Variants in PSD4 observed in about 807,000 individuals in gnomAD.
PSD4 encodes pleckstrin and Sec7 domain containing 4, also known as PH and SEC7 domain-containing protein 4.
PSD4 carries 59 observed loss-of-function variants against 112.5 expected under a neutral mutation model. The observed-to-expected ratio is 0.52, with a 90% confidence interval of 0.43 to 0.65. PSD4 has a LOEUF of 0.65. PSD4 is among the 30% of genes least tolerant of loss of function. The pLI is 0.00. For synonymous variants in PSD4, 533 were observed against 540.0 expected, an observed-to-expected ratio of 0.99 and a Z score of 0.18; for missense variants, 1,267 against 1,352.6, an observed-to-expected ratio of 0.94 and a Z score of 0.99.
intron 10 of PSD4, 42 bp from the exon 11 acceptor site, chr2:113,195,685 A>G: frequency 1.2e-6 from 2 of 1,613,222 alleles, no homozygotes; most frequent in South Asian, 1.1e-5. Flanking sequence ...TAGGCTCCAC[A>G]GCCCTGAGGC....
rs1688822630 is a variant in PSD4, at chr2:113,203,580, T to TTTTTTTTTTG, written c.*2165_*2166insTTTTTTTTTG. ...TTTTTTTTTTTTTTTTTTTTTTTTTTGGAGACGGAGTTTCGCTCTTGTAAC... is the reference window on the plus strand; with the variant it reads ...TTTTTTTTTTTTTTTTTTTTTTTTTTTTTTTTTTTGGGAGACGGAGTTTCGCTCTTGTAAC... On this transcript the variant is annotated 3_prime_UTR_variant, in exon 17 of 17. Coordinates refer to ENST00000245796, the MANE Select transcript of PSD4 (RefSeq NM_012455.3). 6.5e-5 allele frequency: 1 copy of TTTTTTTTTTG among 15,406 alleles called. No homozygotes were observed. Among genetic ancestry groups the TTTTTTTTTTG allele is most frequent in the African/African-American group, 1.7e-4 (1 of 5,912 alleles). The allele number at this position is 15,406 out of a possible 1,614,324, so 1.0% of individuals were successfully genotyped here.
intron 1 of PSD4, among the ~76,000 whole-genome samples, chr2:113,181,063 C>CAAA (rs10566378): frequency 7.1e-6 from 1 of 141,784 alleles, no homozygotes; most frequent in African/African-American, 2.6e-5. Flanking sequence ...ACTAGAAATA[C>CAAA]AAAAAAAAAA....
At chr2:113,199,262 GCGCCCTCTC>G in intron 16 of PSD4, 36 bp downstream of exon 16, 7 of 1,423,446 alleles carry the variant, frequency 4.9e-6, no homozygotes, top group East Asian at 3.0e-5. Context: ...CCGCTGCGCA[GCGCCCTCTC>G]CGCCCTCTCG....
chr2:113,207,370 T>TTCC lies in PSD4; in HGVS notation c.*5959_*5961dup, dbSNP rs1688877611. Reference sequence around the variant, plus strand: ...AAACCGACTAATATGCAGATGCCCTTTCCTCCAAGAGGCCTTCCCTAAGTC... The same window carrying TTCC: ...AAACCGACTAATATGCAGATGCCCTTTCCTCCTCCAAGAGGCCTTCCCTAAGTC... On this transcript the variant is annotated 3_prime_UTR_variant, in exon 17 of 17. Transcript: ENST00000245796. 1 of 151,842 alleles carries TTCC rather than the reference T, an allele frequency of 6.6e-6. No individual in the cohort carries two copies. Among genetic ancestry groups the TTCC allele is most frequent in the Non-Finnish European group, 1.5e-5 (1 of 67,978 alleles). 9.4% of individuals were successfully genotyped at this position (151,842 alleles called of 1,614,324 possible). A position where few individuals can be genotyped will look rare whatever the true frequency, so the allele number is the denominator to read the frequency against.
chr2:113,177,842 C>A (rs1207348132), intron 1 of PSD4, among the ~76,000 whole-genome samples: 1 of 152,198 alleles, frequency 6.6e-6, no homozygotes, highest in Admixed American at 6.5e-5. Flanking sequence ...GGTAAACACA[C>A]TGGCAACTAC....
At position 113,182,932 on chromosome 2, in the gene PSD4, G is replaced by A. The variant is rs1688188089; in HGVS notation, c.476G>A (p.Gly159Asp). The change falls in exon 2 of 17, where the codon GGC becomes GAC. Residue 159 changes from glycine (G) to aspartate (D), a missense_variant. Coordinates refer to ENST00000245796, the MANE Select transcript of PSD4 (RefSeq NM_012455.3). ...STSTQVVFWA[G>D]ILQAQMCVLD... is the part of the protein sequence containing the mutation. ...TCCACACAGGTAGTGTTCTGGGCAG[G>A]CATCCTGCAGGCCCAGATGTGTGTC... is the stretch of plus-strand genomic sequence containing the variant. 1 of 1,614,122 alleles carries A rather than the reference G, an allele frequency of 6.2e-7. No individual in the cohort carries two copies. Among genetic ancestry groups the A allele is most frequent in the South Asian group, 1.1e-5 (1 of 91,096 alleles).
chr2:113,199,523 C>T (rs909168473), intron 16 of PSD4, among the ~76,000 whole-genome samples: 9 of 152,240 alleles, frequency 5.9e-5, no homozygotes, highest in Admixed American at 3.3e-4. Flanking sequence ...TGTTATTTTA[C>T]AGTTTTCTTT....
chr2:113,193,011 C>G, intron 6 of PSD4, 37 bp from the exon 7 acceptor site: 1 of 1,594,234 alleles, frequency 6.3e-7, no homozygotes, highest in Non-Finnish European at 8.6e-7. Flanking sequence ...CAGCCCAGGC[C>G]CCTGGTGCAG....
rs1688793581 is a variant in PSD4 at position 113,202,191 on chromosome 2, C to T, written c.*776C>T. 6.6e-6 allele frequency: 1 copy of T among 152,386 alleles called. No homozygotes were observed. The highest frequency in any genetic ancestry group is 1.5e-5 in the Non-Finnish European group (1 of 68,174). The allele number at this position is 152,386 out of a possible 1,614,324, so 9.4% of individuals were successfully genotyped here. The stretch of plus-strand genomic sequence containing the variant: ...GAGTGAGGGCTGGGCGGGGTGGGGC[C>T]TCCAGAGCTTTGCAGGGAACCCTGG... On this transcript the variant is annotated 3_prime_UTR_variant, in exon 17 of 17. Coordinates refer to ENST00000245796, the MANE Select transcript of PSD4 (RefSeq NM_012455.3).
intron 1 of PSD4, among the ~76,000 whole-genome samples, chr2:113,175,666 G>A (rs370801676): frequency 5.9e-5 from 9 of 152,148 alleles, no homozygotes; most frequent in South Asian, 2.1e-4. Flanking sequence ...AGGAGGGAGC[G>A]TTTGCTTGCT....
chr2:113,198,784 C>T lies in PSD4; in HGVS notation c.2669C>T (p.Ala890Val). Residue 890 changes from alanine to valine, a missense_variant, in exon 15 of 17, where the codon GCT (alanine) becomes GTT (valine). Ala to Val is a moderately conservative substitution (Grantham distance 64). Coordinates refer to ENST00000245796, the MANE Select transcript of PSD4 (RefSeq NM_012455.3). Reference sequence around the variant, plus strand: ...TCCTGGATCGCGCGCATCAACTTGGCTGCGGCCACGCACTCCGCGCCGCCC... The same window carrying T: ...TCCTGGATCGCGCGCATCAACTTGGTTGCGGCCACGCACTCCGCGCCGCCC... ...MSSWIARINL[A>V]AATHSAPPFP... The T allele has an allele frequency of 6.3e-7, 1 of 1,585,524 alleles. No individual in the cohort carries two copies. The highest frequency in any genetic ancestry group is 8.6e-7 in the Non-Finnish European group (1 of 1,169,178).
intron 1 of PSD4, among the ~76,000 whole-genome samples, chr2:113,175,811 C>CT (rs1370331806): frequency 2.0e-5 from 3 of 152,166 alleles, no homozygotes; most frequent in African/African-American, 4.8e-5. Flanking sequence ...TTTGGCTTCT[C>CT]TAAATGGACA....
At chr2:113,199,351 G>T (rs1229343853) in intron 16 of PSD4, 125 bp downstream of exon 16, 12 of 1,200,250 alleles carry the variant, frequency 1.0e-5, no homozygotes, top group Non-Finnish European at 1.3e-5. Context: ...CTTGCGTGCG[G>T]GCGGGGCCCG....
rs1489367575 is a variant in PSD4, at chr2:113,192,482, G to A, written c.1731G>A (p.Lys577=). 4 of 1,614,136 alleles carry A rather than the reference G, an allele frequency of 2.5e-6. No homozygotes were observed. The Admixed American group carries it at 6.7e-5, about 27-fold the overall frequency. Residue 577 remains lysine (K), a synonymous_variant, in exon 6 of 17, where the codon AAG becomes AAA. Coordinates refer to ENST00000245796, the MANE Select transcript of PSD4 (RefSeq NM_012455.3). ...EEGQRPPAGD[K]LANGVRNNKV... ...GCCAGAGACCACCAGCTGGAGACAA[G>A]CTAGCTAATGGCGTCAGGAACAACA...
chr2:113,199,271 C>A (rs1445103912), intron 16 of PSD4, 45 bp downstream of exon 16: 3 of 1,403,778 alleles, frequency 2.1e-6, no homozygotes, highest in Non-Finnish European at 2.8e-6. Context: ...AGCGCCCTCT[C>A]CGCCCTCTCG....
At chr2:113,192,980 G>GC in intron 6 of PSD4, 68 bp from the exon 7 acceptor site, 2 of 1,491,248 alleles carry the variant, frequency 1.3e-6, no homozygotes, top group Non-Finnish European at 1.9e-6. Flanking sequence ...GGCCCTGGGG[G>GC]CCCCAGTGCA....
intron 5 of PSD4, among the ~76,000 whole-genome samples, chr2:113,191,362 G>A (rs750179248): frequency 1.1e-4 from 16 of 152,196 alleles, no homozygotes; most frequent in East Asian, 1.9e-4. Context: ...TGGAATTTCC[G>A]CCTCCTGGGT....
At chr2:113,178,945 T>C (rs1280291717) in intron 1 of PSD4, among the ~76,000 whole-genome samples, 1 of 152,152 alleles carries the variant, frequency 6.6e-6, no homozygotes, top group Non-Finnish European at 1.5e-5. Flanking sequence ...GAGCTAGGGA[T>C]GTCCTATGTT....
chr2:113,198,792 A>G lies in PSD4; in HGVS notation c.2677A>G (p.Thr893Ala). ...CGCGCGCATCAACTTGGCTGCGGCC[A>G]CGCACTCCGCGCCGCCCTTCCCCGC... ...WIARINLAAA[T>A]HSAPPFPAAV... The change falls in exon 15 of 17, where the codon ACG becomes GCG. Residue 893 changes from threonine (T) to alanine (A), a missense_variant. By Grantham distance (58) the Thr-to-Ala change is moderately conservative. Coordinates refer to ENST00000245796, the MANE Select transcript of PSD4 (RefSeq NM_012455.3). The G allele has an allele frequency of 6.3e-7, 1 of 1,588,674 alleles. No homozygotes were observed. The highest frequency in any genetic ancestry group is 8.5e-7 in the Non-Finnish European group (1 of 1,171,528).
Sources: gnomAD v4.1 joint callset for allele counts (sites outside exome capture counted in the v4.1 genomes callset) on GRCh38, gnomAD v4.1.1 for gene constraint, MANE v1.5 for transcripts, NCBI Gene and HGNC (gene_info 2026-07-23, HGNC 2026-07-21) for gene names.